The following KCNK2 variants were observed in gnomAD, a reference collection of about 807,000 sequenced individuals.
The protein encoded by KCNK2 is potassium two pore domain channel subfamily K member 2, also known as potassium channel subfamily K member 2.
A neutral mutation model predicts 40.5 loss-of-function variants in KCNK2; 21 were observed. That is an observed-to-expected ratio of 0.52 (90% confidence interval 0.37 to 0.75). The LOEUF (loss-of-function observed/expected upper bound fraction) is 0.75. Ranked by LOEUF, KCNK2 falls within the 30% of genes least tolerant of loss-of-function variation. The probability of loss-of-function intolerance (pLI) is 0.00; values close to 1 mark genes in which losing one functional copy is unlikely to be tolerated. For synonymous variants in KCNK2, 191 were observed against 202.2 expected, an observed-to-expected ratio of 0.94 and a Z score of 0.47; for missense variants, 399 against 531.6, an observed-to-expected ratio of 0.75 and a Z score of 2.45.
chr1:215,095,294 C>A (rs180803305), intron 2 of KCNK2, among the ~76,000 whole-genome samples: 13 of 152,102 alleles, frequency 8.5e-5, no homozygotes, highest in Non-Finnish European at 1.6e-4. Context: ...TCCTTATGAC[C>A]CCATCTCCAG....
At chr1:215,151,188 A>G (rs1662671389) in intron 3 of KCNK2, among the ~76,000 whole-genome samples, 1 of 152,150 alleles carries the variant, frequency 6.6e-6, no homozygotes, top group Non-Finnish European at 1.5e-5. Context: ...AATATTGCAC[A>G]TCTACCTTTA....
intron 1 of KCNK2, among the ~76,000 whole-genome samples, chr1:215,022,607 C>A (rs953027112): frequency 6.6e-6 from 1 of 152,050 alleles, no homozygotes. Flanking sequence ...TTTTAAAATG[C>A]ACTCCCTTAC....
At chr1:215,168,925 A>G (rs964414385) in intron 3 of KCNK2, among the ~76,000 whole-genome samples, 1 of 152,158 alleles carries the variant, frequency 6.6e-6, no homozygotes. Context: ...TAATAATGAT[A>G]ATGAAAACAT....
chr1:215,009,556 C>T (rs373650189), intron 1 of KCNK2, among the ~76,000 whole-genome samples: 3 of 151,328 alleles, frequency 2.0e-5, no homozygotes, highest in South Asian at 4.2e-4. Context: ...GCAGAGTTGT[C>T]CAATGAAAAT....
chr1:215,187,018 G>A (rs1183430089), intron 5 of KCNK2, among the ~76,000 whole-genome samples: 2 of 152,046 alleles, frequency 1.3e-5, no homozygotes, highest in African/African-American at 2.4e-5. Flanking sequence ...AGCCTAGGCT[G>A]GAGTGCAGTG....
At chr1:215,192,758 A>G (rs1226135184) in intron 5 of KCNK2, among the ~76,000 whole-genome samples, 2 of 152,216 alleles carry the variant, frequency 1.3e-5, no homozygotes, top group African/African-American at 2.4e-5. Flanking sequence ...AGATGCATTT[A>G]TAATTATTCC....
chr1:215,013,587 C>A (rs192355502), intron 1 of KCNK2, among the ~76,000 whole-genome samples: 18 of 152,250 alleles, frequency 1.2e-4, no homozygotes, highest in Admixed American at 7.9e-4. Flanking sequence ...TCAATTTCTC[C>A]TATTTGGCTA....
chr1:215,018,706 G>A (rs1037723223), intron 1 of KCNK2, among the ~76,000 whole-genome samples: 3 of 152,144 alleles, frequency 2.0e-5, no homozygotes, highest in African/African-American at 7.2e-5. Flanking sequence ...AAATGAGGTT[G>A]GGGAATTACG....
chr1:215,197,090 A>G (rs1664897209), intron 6 of KCNK2, among the ~76,000 whole-genome samples: 1 of 152,354 alleles, frequency 6.6e-6, no homozygotes, highest in South Asian at 2.1e-4. Flanking sequence ...TTTGAAAGCC[A>G]CTAAGGCACA....
At chr1:215,063,740 C>T (rs1658437290) in intron 1 of KCNK2, among the ~76,000 whole-genome samples, 1 of 152,148 alleles carries the variant, frequency 6.6e-6, no homozygotes, top group Non-Finnish European at 1.5e-5. Flanking sequence ...AGAAGAGAGG[C>T]ATAATACACG....
At chr1:215,181,808 TG>T (rs2102649482) in intron 5 of KCNK2, among the ~76,000 whole-genome samples, 1 of 152,174 alleles carries the variant, frequency 6.6e-6, no homozygotes, top group East Asian at 1.9e-4. Context: ...CATAAGGCAA[TG>T]GGCTGATTTT....
chr1:215,116,403 A>C (rs1257774527), intron 2 of KCNK2, among the ~76,000 whole-genome samples: 1 of 152,084 alleles, frequency 6.6e-6, no homozygotes, highest in Non-Finnish European at 1.5e-5. Flanking sequence ...AATCTCCCTA[A>C]ATGGATATGA....
chr1:215,222,707 A>G (rs1666228793), intron 6 of KCNK2, among the ~76,000 whole-genome samples: 1 of 151,142 alleles, frequency 6.6e-6, no homozygotes, highest in South Asian at 2.1e-4. Context: ...TGTCAAGATA[A>G]TGTGATACTT....
chr1:215,011,000 AAT>A (rs1656364467), intron 1 of KCNK2, among the ~76,000 whole-genome samples: 1 of 101,872 alleles, frequency 9.8e-6, no homozygotes. Flanking sequence ...ACTTATATAT[AAT>A]ATTGTATTAA....
rs1666817139 is a variant in KCNK2 at position 215,234,941 on chromosome 1, C to G, written c.1077C>G (p.Thr359=). Reference sequence around the variant, plus strand: ...TTTATGACAAGTTCCAGCGGGCCACCTCCATCAAGCGGAAGCTCTCGGCAG... The same window carrying G: ...TTTATGACAAGTTCCAGCGGGCCACGTCCATCAAGCGGAAGCTCTCGGCAG... ...VEIYDKFQRA[T]SIKRKLSAEL... The change falls in exon 7 of 7, where the codon ACC becomes ACG. Residue 359 remains threonine (T), a synonymous_variant. Transcript: ENST00000444842. The G allele has an allele frequency of 6.2e-7, 1 of 1,613,900 alleles. No individual in the cohort carries two copies. The highest frequency in any genetic ancestry group is 8.5e-7 in the Non-Finnish European group (1 of 1,180,018).
intron 3 of KCNK2, among the ~76,000 whole-genome samples, chr1:215,167,515 C>T (rs1023531370): frequency 1.3e-5 from 2 of 152,052 alleles, no homozygotes; most frequent in Non-Finnish European, 2.9e-5. Flanking sequence ...GACAGTGCTT[C>T]TGCTATTAAA....
At chr1:215,180,961 G>A (rs1664195392) in intron 5 of KCNK2, among the ~76,000 whole-genome samples, 1 of 152,048 alleles carries the variant, frequency 6.6e-6, no homozygotes, top group African/African-American at 2.4e-5. Context: ...TTTCCAGGTT[G>A]TTTTCTTTAT....
At chr1:215,193,131 T>C (rs1395804337) in intron 5 of KCNK2, among the ~76,000 whole-genome samples, 4 of 152,144 alleles carry the variant, frequency 2.6e-5, no homozygotes, top group Non-Finnish European at 4.4e-5. Flanking sequence ...GATTTTAATA[T>C]ATACTTGCAA....
intron 1 of KCNK2, among the ~76,000 whole-genome samples, chr1:215,008,347 C>T (rs987031575): frequency 6.6e-6 from 1 of 152,110 alleles, no homozygotes; most frequent in East Asian, 1.9e-4. Flanking sequence ...ATTTCTATAG[C>T]CAGAGCCATC....
Sources: allele counts gnomAD v4.1 joint callset (sites outside exome capture counted in the v4.1 genomes callset), GRCh38; gene constraint gnomAD v4.1.1; transcripts MANE v1.5; gene names NCBI Gene and HGNC (gene_info 2026-07-23, HGNC 2026-07-21).